PAPPA2: variants seen among roughly 807,000 people sequenced by gnomAD.
PAPPA2 encodes pappalysin 2, also known as pappalysin-2.
In PAPPA2, 86 loss-of-function variants were observed where a neutral mutation model predicts 176.4. The observed-to-expected ratio is 0.49, with a 90% CI of 0.41 to 0.58. The LOEUF (loss-of-function observed/expected upper bound fraction) is 0.58. Among genes scored for constraint, PAPPA2 ranks in the 20% least tolerant of loss-of-function variants. The pLI, the probability that PAPPA2 is intolerant of heterozygous loss-of-function variation, is 0.00. For synonymous variants in PAPPA2, 809 were observed against 852.2 expected, an observed-to-expected ratio of 0.95 and a Z score of 0.88; for missense variants, 2,073 against 2,256.9, an observed-to-expected ratio of 0.92 and a Z score of 1.65.
In PAPPA2 at chr1:176,669,128, G is replaced by T. The variant is rs1198654568; in HGVS notation, c.1992-1842G>T. Among the ~76,000 whole-genome samples the T allele has an allele frequency of 2.0e-5, 3 of 152,258 alleles. No individual in the cohort carries two copies. The East Asian group carries it at 5.8e-4, about 29-fold the overall frequency. On this transcript the variant is annotated intron_variant, in intron 3 of 22. Coordinates refer to ENST00000367662, the MANE Select transcript of PAPPA2 (RefSeq NM_020318.3). ...TCAGGAGCAGGGAGGTTGGAGAAGT[G>T]CCTGAGGAGAAGAGAGAGAAAGCTG...
intron 20 of PAPPA2, among the ~76,000 whole-genome samples, chr1:176,796,258 T>C (rs1665421534): frequency 6.6e-6 from 1 of 152,150 alleles, no homozygotes; most frequent in African/African-American, 2.4e-5. Context: ...CAAGAGCGTC[T>C]TGGAGGAAAG....
At chr1:176,784,110 A>G (rs1664829264) in intron 17 of PAPPA2, among the ~76,000 whole-genome samples, 1 of 152,186 alleles carries the variant, frequency 6.6e-6, no homozygotes, top group African/African-American at 2.4e-5. Context: ...CTGCCTACAA[A>G]TGAGGTATTT....
rs974659662 is a variant in PAPPA2 at position 176,840,329 on chromosome 1, C to T, written c.5301+58C>T. The T allele has an allele frequency of 2.2e-4, 290 of 1,314,876 alleles. 3 individuals are homozygous for T. The highest frequency in any genetic ancestry group is 1.8e-4 in the Middle Eastern group (1 of 5,416). The allele number at this position is 1,314,876 out of a possible 1,614,324, so 81.5% of individuals were successfully genotyped here. A position where few individuals can be genotyped will look rare whatever the true frequency, so the allele number is the denominator to read the frequency against. On this transcript the variant is annotated intron_variant, in intron 22 of 22. Coordinates refer to ENST00000367662, the MANE Select transcript of PAPPA2 (RefSeq NM_020318.3). ...GTGGCTTCAGGAATAAAGGCAGGGT[C>T]TTCAGCTAGCTCTCATTCATGGTGT...
intron 7 of PAPPA2, among the ~76,000 whole-genome samples, chr1:176,698,016 T>C (rs1236044771): frequency 2.0e-5 from 3 of 152,146 alleles, no homozygotes; most frequent in Non-Finnish European, 4.4e-5. Flanking sequence ...TGCACACACA[T>C]ATTTTTGAAA....
At chr1:176,695,985 TG>T in intron 7 of PAPPA2, 126 bp downstream of exon 7, 8 of 691,256 alleles carry the variant, frequency 1.2e-5, no homozygotes, top group South Asian at 6.6e-5. Context: ...TGTGTGTGTG[TG>T]TGTGTGTGTG....
chr1:176,656,767 T>C (rs1658059104), intron 3 of PAPPA2, among the ~76,000 whole-genome samples: 1 of 145,618 alleles, frequency 6.9e-6, no homozygotes, highest in Non-Finnish European at 1.5e-5. Context: ...GTAATCTCCC[T>C]CTCTCTCTCT....
At chr1:176,530,570 T>G (rs770474095) in intron 1 of PAPPA2, among the ~76,000 whole-genome samples, 97 of 151,938 alleles carry the variant, frequency 6.4e-4, no homozygotes, top group Non-Finnish European at 1.1e-3. Flanking sequence ...CAATCCATCT[T>G]CAGTAAGTTT....
chr1:176,748,316 T>C (rs1042509675), intron 14 of PAPPA2, among the ~76,000 whole-genome samples: 1 of 152,198 alleles, frequency 6.6e-6, no homozygotes, highest in Non-Finnish European at 1.5e-5. Flanking sequence ...AATAACTTGC[T>C]TGCAGGAAAA....
At chr1:176,785,339 C>T (rs985519239) in intron 17 of PAPPA2, among the ~76,000 whole-genome samples, 7 of 152,116 alleles carry the variant, frequency 4.6e-5, no homozygotes, top group Non-Finnish European at 8.8e-5. Flanking sequence ...CCCCGAGATA[C>T]TTAACCTATC....
chr1:176,666,602 T>TGAGA (rs1449262882), intron 3 of PAPPA2, among the ~76,000 whole-genome samples: 126 of 119,656 alleles, frequency 1.1e-3, no homozygotes, highest in African/African-American at 4.5e-3. Flanking sequence ...TGTGTGTGTG[T>TGAGA]GTGTGTGAGA....
intron 2 of PAPPA2, among the ~76,000 whole-genome samples, chr1:176,593,739 T>G (rs1417733837): frequency 6.6e-6 from 1 of 152,230 alleles, no homozygotes; most frequent in East Asian, 1.9e-4. Context: ...GGGCCTGCCC[T>G]GAGCAAGGCA....
intron 1 of PAPPA2, among the ~76,000 whole-genome samples, chr1:176,492,309 T>C (rs1042876543): frequency 6.6e-6 from 1 of 152,212 alleles, no homozygotes; most frequent in Non-Finnish European, 1.5e-5. Context: ...CAGTGGCCTT[T>C]AGTTTCTCCA....
intron 14 of PAPPA2, among the ~76,000 whole-genome samples, chr1:176,763,224 A>G (rs1663777226): frequency 6.6e-6 from 1 of 152,216 alleles, no homozygotes; most frequent in Non-Finnish European, 1.5e-5. Flanking sequence ...GACAAGATTC[A>G]TAGTAGTCAT....
At chr1:176,542,103 A>G (rs1205991532) in intron 1 of PAPPA2, among the ~76,000 whole-genome samples, 1 of 152,186 alleles carries the variant, frequency 6.6e-6, no homozygotes, top group African/African-American at 2.4e-5. Flanking sequence ...ACACATGAAC[A>G]TTTTTATTAT....
At position 176,843,153 on chromosome 1, in the gene PAPPA2, G is replaced by A. The variant is rs533046107; in HGVS notation, c.*699G>A. 1.3e-5 allele frequency: 2 copies of A among 152,168 alleles called. No individual in the cohort carries two copies. Among genetic ancestry groups the A allele is most frequent in the African/African-American group, 2.4e-5 (1 of 41,530 alleles). The allele number at this position is 152,168 out of a possible 1,614,324, so 9.4% of individuals were successfully genotyped here. A position where few individuals can be genotyped will look rare whatever the true frequency, so the allele number is the denominator to read the frequency against. On this transcript the variant is annotated 3_prime_UTR_variant, in exon 23 of 23. Coordinates refer to ENST00000367662, the MANE Select transcript of PAPPA2 (RefSeq NM_020318.3). ...TATTTTCCCATCTTTCTATGGATGC[G>A]GATTGGCAGGTTGAATGGGAAGTAC...
Position 176,730,340 on chromosome 1 carries a change from T to C in PAPPA2, c.3799-9286T>C. 2.0e-5 allele frequency among the ~76,000 whole-genome samples: 3 copies of C among 152,072 alleles called. No individual in the cohort carries two copies. The Middle Eastern group carries it at 0.01, about 517-fold the overall frequency. On this transcript the variant is annotated intron_variant, in intron 12 of 22. Transcript: ENST00000367662. ...TTTTTCTATTTTTTCCAATTTTGAA[T>C]TTTTTGTTATTTCCAGAAATTTATT... is the stretch of plus-strand genomic sequence containing the variant.
At chr1:176,497,930 A>C (rs1647721001) in intron 1 of PAPPA2, among the ~76,000 whole-genome samples, 1 of 152,184 alleles carries the variant, frequency 6.6e-6, no homozygotes, top group African/African-American at 2.4e-5. Context: ...ATCTTTCCCT[A>C]CAGAAAAGAC....
chr1:176,556,146 G>A lies in PAPPA2; in HGVS notation c.-177G>A. Reference sequence around the variant, plus strand: ...AGAAGCCACACTGGCAGAGCGGCCAGCACAGGTAGCCAGCAGAGGCATTCT... The same window carrying A: ...AGAAGCCACACTGGCAGAGCGGCCAACACAGGTAGCCAGCAGAGGCATTCT... On this transcript the variant is annotated 5_prime_UTR_variant, in exon 2 of 23. Transcript: ENST00000367662. 1.4e-6 allele frequency: 1 copy of A among 726,692 alleles called. No individual in the cohort carries two copies. Among genetic ancestry groups the A allele is most frequent in the Non-Finnish European group, 2.2e-6 (1 of 447,184 alleles). The allele number at this position is 726,692 out of a possible 1,614,324, so 45.0% of individuals were successfully genotyped here.
chr1:176,510,935 G>T (rs1648566964), intron 1 of PAPPA2, among the ~76,000 whole-genome samples: 2 of 149,044 alleles, frequency 1.3e-5, no homozygotes, highest in African/African-American at 5.0e-5. Flanking sequence ...ATCCAAAGAA[G>T]GCAGAAAAAA....
Sources: gnomAD v4.1 joint callset for allele counts (sites outside exome capture counted in the v4.1 genomes callset) on GRCh38, gnomAD v4.1.1 for gene constraint, MANE v1.5 for transcripts, NCBI Gene and HGNC (gene_info 2026-07-23, HGNC 2026-07-21) for gene names.